Variants in GRID1 observed in about 807,000 individuals in gnomAD.
GRID1 encodes glutamate ionotropic receptor delta type subunit 1.
In GRID1, 28 loss-of-function variants were observed where a neutral mutation model predicts 98.0. The ratio of observed to expected loss-of-function variants is 0.29; its 90% confidence interval spans 0.21 to 0.39. The LOEUF (loss-of-function observed/expected upper bound fraction) is 0.39, where lower values mean the gene tolerates loss of function less well. Among genes scored for constraint, GRID1 ranks in the 10% least tolerant of loss-of-function variants. The pLI, the probability that GRID1 is intolerant of heterozygous loss-of-function variation, is 1.00. For synonymous variants in GRID1, 553 were observed against 538.5 expected (o/e 1.03, Z -0.37); for missense variants, 1,111 against 1,340.5 (o/e 0.83, Z 2.67).
chr10:85,762,411 G>T (rs1280772013), intron 8 of GRID1, among the ~76,000 whole-genome samples: 1 of 152,040 alleles, frequency 6.6e-6, no homozygotes, highest in Non-Finnish European at 1.5e-5. Context: ...TTCTTTCTTT[G>T]TTACAGTCAT....
chr10:85,689,470 G>T (rs1258171014), intron 12 of GRID1, among the ~76,000 whole-genome samples: 1 of 149,858 alleles, frequency 6.7e-6, no homozygotes, highest in Admixed American at 6.6e-5. Context: ...AATAATAAAA[G>T]GTCTATAGTT....
At chr10:86,091,443 A>T (rs193168246) in intron 4 of GRID1, among the ~76,000 whole-genome samples, 1 of 152,188 alleles carries the variant, frequency 6.6e-6, no homozygotes, top group Non-Finnish European at 1.5e-5. Context: ...CAGTGACCTG[A>T]GAATCTCACC....
At chr10:86,043,553 G>A (rs893693351) in intron 4 of GRID1, among the ~76,000 whole-genome samples, 2 of 152,188 alleles carry the variant, frequency 1.3e-5, no homozygotes, top group African/African-American at 4.8e-5. Flanking sequence ...TGGAGGAGCA[G>A]GAAAGGGCAC....
intron 12 of GRID1, among the ~76,000 whole-genome samples, chr10:85,670,010 C>T (rs1251812149): frequency 6.6e-6 from 1 of 152,156 alleles, no homozygotes; most frequent in Non-Finnish European, 1.5e-5. Context: ...AAATGTGGTA[C>T]AAATATGTTT....
At chr10:85,710,764 A>G (rs1841572913) in intron 12 of GRID1, among the ~76,000 whole-genome samples, 1 of 152,098 alleles carries the variant, frequency 6.6e-6, no homozygotes, top group Non-Finnish European at 1.5e-5. Flanking sequence ...TTAATAACAA[A>G]GAAAACCCAT....
chr10:85,682,677 G>C (rs544442602), intron 12 of GRID1, among the ~76,000 whole-genome samples: 5 of 152,346 alleles, frequency 3.3e-5, no homozygotes, highest in South Asian at 2.1e-4. Context: ...TTTCCAACTA[G>C]GGTGTGGAGA....
intron 2 of GRID1, among the ~76,000 whole-genome samples, chr10:86,224,201 C>T (rs571751824): frequency 6.6e-6 from 1 of 152,184 alleles, no homozygotes; most frequent in African/African-American, 2.4e-5. Context: ...GATGCACACA[C>T]CTATTTTCTG....
chr10:85,903,879 G>C (rs1464530679), intron 5 of GRID1, among the ~76,000 whole-genome samples: 1 of 152,148 alleles, frequency 6.6e-6, no homozygotes, highest in Non-Finnish European at 1.5e-5. Flanking sequence ...ACTTCTTCAA[G>C]TCCCTGTTCA....
Position 86,289,750 on chromosome 10 carries a change from C to T in GRID1, c.235+74191G>A, listed in dbSNP as rs556280278. On this transcript the variant is annotated intron_variant, in intron 2 of 15. Transcript: ENST00000327946. ...CAGACACAGTGGCAGCCCACCCCAA[C>T]GAAACAGAGTGTCCTACTCACCCCA... Among the ~76,000 whole-genome samples the T allele has an allele frequency of 2.2e-3, 342 of 152,260 alleles. 1 individual carries two copies. The highest frequency in any genetic ancestry group is 7.1e-3 in the African/African-American group (296 of 41,540).
chr10:85,897,919 C>T (rs888682803), intron 5 of GRID1, among the ~76,000 whole-genome samples: 31 of 152,176 alleles, frequency 2.0e-4, no homozygotes, highest in African/African-American at 7.5e-4. Flanking sequence ...CACCCTTCTT[C>T]TCTCTGCTTC....
chr10:85,902,900 C>A (rs149268744), intron 5 of GRID1, among the ~76,000 whole-genome samples: 1,813 of 152,244 alleles, frequency 0.012, 17 homozygotes, highest in Non-Finnish European at 0.019. Flanking sequence ...GGGACCCCCC[C>A]ACAACACCTG....
intron 4 of GRID1, among the ~76,000 whole-genome samples, chr10:86,027,878 A>G (rs115155872): frequency 9.8e-5 from 15 of 152,348 alleles, no homozygotes; most frequent in African/African-American, 3.6e-4. Context: ...ACCTATTACC[A>G]TCATGAATTT....
chr10:86,310,532 G>C (rs1206148177), intron 2 of GRID1, among the ~76,000 whole-genome samples: 1 of 152,136 alleles, frequency 6.6e-6, no homozygotes, highest in African/African-American at 2.4e-5. Context: ...AATCACAATT[G>C]GGTGCATCAG....
chr10:85,917,249 T>C (rs1841633554), intron 4 of GRID1, among the ~76,000 whole-genome samples: 1 of 152,150 alleles, frequency 6.6e-6, no homozygotes, highest in South Asian at 2.1e-4. Flanking sequence ...AGCTATCAGA[T>C]TGGAGTCCTG....
At chr10:85,752,380 T>A (rs1768281044) in intron 8 of GRID1, among the ~76,000 whole-genome samples, 1 of 152,114 alleles carries the variant, frequency 6.6e-6, no homozygotes, top group Non-Finnish European at 1.5e-5. Context: ...ATGACCCCTG[T>A]GAAAAAATGC....
At chr10:86,289,647 T>C (rs1847484423) in intron 2 of GRID1, among the ~76,000 whole-genome samples, 1 of 152,098 alleles carries the variant, frequency 6.6e-6, no homozygotes, top group Admixed American at 6.6e-5. Context: ...TCATCCATCC[T>C]GCCCAGCCTC....
intron 4 of GRID1, among the ~76,000 whole-genome samples, chr10:86,117,230 C>A (rs1844596840): frequency 6.6e-6 from 1 of 151,726 alleles, no homozygotes; most frequent in African/African-American, 2.4e-5. Context: ...CCACTACCAT[C>A]ACTATCACCA....
chr10:85,925,013 G>A (rs1303126293), intron 4 of GRID1, among the ~76,000 whole-genome samples: 3 of 152,190 alleles, frequency 2.0e-5, no homozygotes, highest in Non-Finnish European at 4.4e-5. Context: ...GCTACATGTG[G>A]ACAATTTATA....
At chr10:85,993,906 G>C (rs1171589124) in intron 4 of GRID1, among the ~76,000 whole-genome samples, 10 of 152,272 alleles carry the variant, frequency 6.6e-5, no homozygotes, top group African/African-American at 2.4e-4. Context: ...ATGTTTCCTT[G>C]CATGGCAGCC....
Sources: gnomAD v4.1 joint callset for allele counts (sites outside exome capture counted in the v4.1 genomes callset) on GRCh38, gnomAD v4.1.1 for gene constraint, MANE v1.5 for transcripts, NCBI Gene and HGNC (gene_info 2026-07-23, HGNC 2026-07-21) for gene names.